IL1RAPL2: variants seen among roughly 807,000 people sequenced by gnomAD.
IL1RAPL2 encodes the protein X-linked interleukin-1 receptor accessory protein-like 2.
A neutral mutation model predicts 44.1 loss-of-function variants in IL1RAPL2; 3 were observed. The observed-to-expected ratio is 0.07, with a 90% CI of 0.03 to 0.18. The LOEUF (loss-of-function observed/expected upper bound fraction) is 0.18, where lower values mean the gene tolerates loss of function less well. Ranked by LOEUF, IL1RAPL2 falls within the 10% of genes least tolerant of loss-of-function variation. The pLI is 1.00. For synonymous variants in IL1RAPL2, 181 were observed against 178.8 expected (o/e 1.01, Z -0.10); for missense variants, 391 against 496.4 (o/e 0.79, Z 2.02).
chrX:105,722,031 A>C (rs1428067628), intron 7 of IL1RAPL2, among the ~76,000 whole-genome samples: 1 of 111,678 alleles, frequency 9.0e-6, no homozygotes, highest in African/African-American at 3.3e-5. Context: ...GTAATACATT[A>C]TTAGGTGATT....
rs749031228 is a variant in IL1RAPL2 at position 104,920,103 on chromosome X, TCTC to T, written c.82+261115_82+261117del. On this transcript the variant is annotated intron_variant, in intron 2 of 10. Transcript: ENST00000372582. ...AGACTATTGCTGGCAGATCATTTCT[TCTC>T]CTCCTCTTCCCCAATATTTACTTTA... Among the ~76,000 whole-genome samples, 574 of 111,100 alleles carry T rather than the reference TCTC, an allele frequency of 5.2e-3. 4 individuals carry two copies. Among genetic ancestry groups the T allele is most frequent in the Middle Eastern group, 9.3e-3 (2 of 216 alleles).
chrX:105,300,772 G>C (rs373610033), intron 5 of IL1RAPL2, among the ~76,000 whole-genome samples: 3 of 111,368 alleles, frequency 2.7e-5, no homozygotes, highest in East Asian at 5.7e-4. Context: ...TTAGTAAGTA[G>C]CTGAGTGGCA....
chrX:105,651,659 G>A (rs563614246), intron 6 of IL1RAPL2, among the ~76,000 whole-genome samples: 1 of 111,372 alleles, frequency 9.0e-6, no homozygotes, highest in Non-Finnish European at 1.9e-5. Context: ...GTTATTCCTA[G>A]TTATGGAAAT....
intron 2 of IL1RAPL2, among the ~76,000 whole-genome samples, chrX:105,017,839 G>A (rs1045441166): frequency 6.4e-5 from 7 of 109,686 alleles, no homozygotes; most frequent in African/African-American, 1.4e-4. Flanking sequence ...GACTGTTTAC[G>A]GTAGGAAGTT....
chrX:105,714,220 C>T (rs1278522569), intron 6 of IL1RAPL2, among the ~76,000 whole-genome samples: 1 of 111,317 alleles, frequency 9.0e-6, no homozygotes, highest in Non-Finnish European at 1.9e-5. Flanking sequence ...GGTCATAACC[C>T]CTTAAGTAAT....
chrX:104,914,539 C>G (rs1924351728), intron 2 of IL1RAPL2, among the ~76,000 whole-genome samples: 1 of 111,727 alleles, frequency 9.0e-6, no homozygotes, highest in Admixed American at 9.5e-5. Flanking sequence ...AAGCAAGTCA[C>G]AAAACACACA....
intron 2 of IL1RAPL2, among the ~76,000 whole-genome samples, chrX:105,192,517 T>G (rs781933577): frequency 2.5e-4 from 28 of 111,568 alleles, no homozygotes; most frequent in African/African-American, 8.8e-4. Flanking sequence ...TTATTAAGAA[T>G]AGCAATCCAA....
intron 2 of IL1RAPL2, among the ~76,000 whole-genome samples, chrX:105,149,598 G>A (rs1230509208): frequency 1.8e-5 from 2 of 111,032 alleles, no homozygotes; most frequent in East Asian, 2.8e-4. Flanking sequence ...TTGGGAGGGC[G>A]AGGTGGGTGG....
chrX:105,223,108 C>T (rs1373863461), intron 3 of IL1RAPL2, among the ~76,000 whole-genome samples: 2 of 108,393 alleles, frequency 1.8e-5, no homozygotes, highest in Non-Finnish European at 3.8e-5. Flanking sequence ...CGAGATCATG[C>T]CACTGCACTC....
intron 6 of IL1RAPL2, among the ~76,000 whole-genome samples, chrX:105,485,655 G>A (rs2036261066): frequency 9.0e-6 from 1 of 110,875 alleles, no homozygotes; most frequent in African/African-American, 3.3e-5. Context: ...CTATCTCCAT[G>A]AGTTCAATTG....
At chrX:104,976,251 T>G (rs1426542015) in intron 2 of IL1RAPL2, among the ~76,000 whole-genome samples, 2 of 111,307 alleles carry the variant, frequency 1.8e-5, no homozygotes, top group Non-Finnish European at 3.8e-5. Flanking sequence ...GGGATGCTCA[T>G]CATTGTCTCC....
In IL1RAPL2 at chrX:104,882,190, G is replaced by A. The variant is rs1459908036; in HGVS notation, c.82+223195G>A. 1.3e-4 allele frequency among the ~76,000 whole-genome samples: 14 copies of A among 111,753 alleles called. No individual in the cohort carries two copies. The South Asian group carries it at 1.9e-3, about 15-fold the overall frequency. ...TGATATACAAATGCTGAAAAAACAC[G>A]GAAGAATAACAAAAAGTTGGGGCCT... On this transcript the variant is annotated intron_variant, in intron 2 of 10. Transcript: ENST00000372582.
At chrX:105,656,664 C>G (rs1372183735) in intron 6 of IL1RAPL2, among the ~76,000 whole-genome samples, 1 of 111,711 alleles carries the variant, frequency 9.0e-6, no homozygotes, top group Non-Finnish European at 1.9e-5. Context: ...GGGTACCTGT[C>G]AAGAAGTGGT....
At chrX:104,941,813 T>C (rs1223438721) in intron 2 of IL1RAPL2, among the ~76,000 whole-genome samples, 1 of 112,016 alleles carries the variant, frequency 8.9e-6, no homozygotes, top group African/African-American at 3.2e-5. Context: ...GGTTTTCTTC[T>C]AGGGTTTTTA....
intron 6 of IL1RAPL2, among the ~76,000 whole-genome samples, chrX:105,506,808 C>T (rs1279629814): frequency 8.9e-6 from 1 of 111,809 alleles, no homozygotes; most frequent in Non-Finnish European, 1.9e-5. Flanking sequence ...GGTCCATCGA[C>T]ATTGTTTTTC....
At chrX:105,401,028 A>G (rs1378265708) in intron 5 of IL1RAPL2, among the ~76,000 whole-genome samples, 1 of 111,545 alleles carries the variant, frequency 9.0e-6, no homozygotes, top group Admixed American at 9.5e-5. Context: ...GAGGGGAGGA[A>G]CAATTAATAT....
At chrX:105,584,822 C>T (rs1439427897) in intron 6 of IL1RAPL2, among the ~76,000 whole-genome samples, 1 of 110,906 alleles carries the variant, frequency 9.0e-6, no homozygotes, top group African/African-American at 3.3e-5. Flanking sequence ...ATGTGGAAAT[C>T]TTCAATCATC....
At chrX:104,812,302 A>G (rs765126015) in intron 2 of IL1RAPL2, among the ~76,000 whole-genome samples, 3 of 111,290 alleles carry the variant, frequency 2.7e-5, no homozygotes, top group African/African-American at 9.8e-5. Context: ...ATGACATAAA[A>G]TGGGGACTTA....
chrX:104,568,105 G>T (rs965859849), intron 1 of IL1RAPL2, among the ~76,000 whole-genome samples: 11 of 111,174 alleles, frequency 9.9e-5, no homozygotes, highest in Non-Finnish European at 2.1e-4. Flanking sequence ...TTTTTAGGGG[G>T]AGTCTATTTA....
Sources: allele counts gnomAD v4.1 joint callset (sites outside exome capture counted in the v4.1 genomes callset), GRCh38; gene constraint gnomAD v4.1.1; transcripts MANE v1.5; gene names NCBI Gene and HGNC (gene_info 2026-07-23, HGNC 2026-07-21).